HPSE: variants seen among roughly 807,000 people sequenced by gnomAD.
The protein encoded by HPSE is endo-glucoronidase.
HPSE carries 48 observed loss-of-function variants against 65.1 expected under a neutral mutation model. The observed-to-expected ratio is 0.74, with a 90% CI of 0.58 to 0.94. HPSE has a LOEUF of 0.94. Ranked by LOEUF, HPSE falls within the 40% of genes least tolerant of loss-of-function variation. The pLI is 0.00. For missense variants in HPSE, 644 were observed against 637.5 expected (o/e 1.01, Z -0.11); for synonymous variants, 243 against 260.0 (o/e 0.93, Z 0.63).
chr4:83,332,979 A>G (rs911730765), intron 1 of HPSE, among the ~76,000 whole-genome samples: 12 of 150,942 alleles, frequency 8.0e-5, no homozygotes, highest in African/African-American at 2.2e-4. Context: ...CTGGAGCCCT[A>G]TGGTTCAGCA....
At chr4:83,330,941 A>G (rs759370297) in intron 1 of HPSE, among the ~76,000 whole-genome samples, 1 of 152,212 alleles carries the variant, frequency 6.6e-6, no homozygotes, top group Non-Finnish European at 1.5e-5. Flanking sequence ...GCAGTGGCTC[A>G]CGCCTGTAAT....
At position 83,322,279 on chromosome 4, in the gene HPSE, C is replaced by A. The variant is rs747014307; in HGVS notation, c.313G>T (p.Asp105Tyr). 6.2e-7 allele frequency: 1 copy of A among 1,613,818 alleles called. No homozygotes were observed. Among genetic ancestry groups the A allele is most frequent in the South Asian group, 1.1e-5 (1 of 91,048 alleles). Residue 105 changes from aspartate to tyrosine, a missense_variant, in exon 2 of 12, where the codon GAT becomes TAT. Physicochemically the swap from Asp to Tyr is radical, Grantham distance 160 (BLOSUM62 -3). Coordinates refer to ENST00000311412, the MANE Select transcript of HPSE (RefSeq NM_001098540.3). ...GGTKTDFLIF[D>Y]PKKESTFEER... ...TCAAAGGTTGATTCCTTCTTGGGAT[C>A]GAAAATTAGGAAGTCTGTCTTGGTG...
At chr4:83,320,028 TAAAAAA>T (rs58369674) in intron 2 of HPSE, among the ~76,000 whole-genome samples, 3 of 108,010 alleles carry the variant, frequency 2.8e-5, no homozygotes, top group Non-Finnish European at 3.7e-5. Context: ...AGACACTGTC[TAAAAAA>T]AAAAAAAAAA....
At chr4:83,300,912 A>G in intron 11 of HPSE, 48 bp downstream of exon 11, 1 of 1,310,374 alleles carries the variant, frequency 7.6e-7, no homozygotes, top group Non-Finnish European at 1.1e-6. Flanking sequence ...TCTGATAAAC[A>G]CCAATAAATT....
chr4:83,311,453 A>G (rs1385471647), intron 4 of HPSE, among the ~76,000 whole-genome samples: 1 of 152,204 alleles, frequency 6.6e-6, no homozygotes, highest in Non-Finnish European at 1.5e-5. Context: ...ACCAATGGAT[A>G]TGGATATCTG....
At chr4:83,331,699 C>T (rs1002810189) in intron 1 of HPSE, among the ~76,000 whole-genome samples, 2 of 152,180 alleles carry the variant, frequency 1.3e-5, no homozygotes, top group African/African-American at 4.8e-5. Flanking sequence ...ACTAGAACCA[C>T]GCCAGTGACT....
intron 9 of HPSE, 55 bp from the exon 10 acceptor site, chr4:83,302,323 T>C: frequency 9.1e-7 from 1 of 1,102,580 alleles, no homozygotes; most frequent in Non-Finnish European, 1.4e-6. Flanking sequence ...CTTATGTCCT[T>C]ATTTAATGAA....
chr4:83,302,042 T>C (rs1159388384), intron 10 of HPSE, 108 bp downstream of exon 10: 1 of 570,128 alleles, frequency 1.8e-6, no homozygotes, highest in Non-Finnish European at 3.1e-6. Flanking sequence ...AAATTGCAAC[T>C]GCCTATACTT....
rs767674216 is a variant in HPSE, at chr4:83,306,322, G to C, written c.1092-5C>G. On this transcript the variant is annotated splice_polypyrimidine_tract_variant and splice_region_variant and intron_variant, in intron 8 of 11. Transcript: ENST00000311412. ...AGGCCCAATTTATCCAGCCACCTGG[G>C]ACAGAGCAAGACCAAGCTTTCTTGA... The C allele has an allele frequency of 1.3e-6, 2 of 1,504,656 alleles. No homozygotes were observed. Among genetic ancestry groups the C allele is most frequent in the East Asian group, 4.5e-5 (2 of 44,270 alleles). The allele number at this position is 1,504,656 out of a possible 1,614,324, so 93.2% of individuals were successfully genotyped here. A position where few individuals can be genotyped will look rare whatever the true frequency, so the allele number is the denominator to read the frequency against.
In HPSE at chr4:83,313,177, C is replaced by G; in HGVS notation, c.610G>C (p.Ala204Pro). The change falls in exon 4 of 12, where the codon GCT (alanine) becomes CCT (proline). Residue 204 changes from alanine (A) to proline (P), a missense_variant. Transcript: ENST00000311412. ...GAGCAGTAGTCCAGGAGCAACTGAGCATTAGAACTGTTCCACTGCAAATCT... is the reference window on the plus strand; with the variant it reads ...GAGCAGTAGTCCAGGAGCAACTGAGGATTAGAACTGTTCCACTGCAAATCT... ...TADLQWNSSNAQLLLDYCSSK... is the reference protein window; with the variant it reads ...TADLQWNSSNPQLLLDYCSSK... 3 of 1,613,948 alleles carry G rather than the reference C, an allele frequency of 1.9e-6. No individual in the cohort carries two copies. The highest frequency in any genetic ancestry group is 2.5e-6 in the Non-Finnish European group (3 of 1,179,834).
In HPSE at chr4:83,311,525, C is replaced by T. The variant is rs182779197; in HGVS notation, c.674-635G>A. Among the ~76,000 whole-genome samples, 490 of 151,852 alleles carry T rather than the reference C, an allele frequency of 3.2e-3. 2 individuals are homozygous for T. Among genetic ancestry groups the T allele is most frequent in the African/African-American group, 0.011 (468 of 41,414 alleles). The stretch of plus-strand genomic sequence containing the variant: ...TACTTTGGAAAAAAAGGTTTGAGAC[C>T]GGGCACAGTGGCTCATGCCTATAAT... On this transcript the variant is annotated intron_variant, in intron 4 of 11. Coordinates refer to ENST00000311412, the MANE Select transcript of HPSE (RefSeq NM_001098540.3).
chr4:83,308,743 ATGGTCTTTGATCTG>A (rs1477976361), intron 8 of HPSE, 88 bp downstream of exon 8: 41 of 851,230 alleles, frequency 4.8e-5, no homozygotes, highest in Non-Finnish European at 7.7e-5. Flanking sequence ...AGCCACTGAA[ATGGTCTTTGATCTG>A]CTTTTTGGCT....
intron 3 of HPSE, among the ~76,000 whole-genome samples, chr4:83,315,648 A>T (rs1369672834): frequency 1.3e-5 from 2 of 152,204 alleles, no homozygotes; most frequent in Non-Finnish European, 2.9e-5. Context: ...ATAGACTATA[A>T]TATGAACAGG....
chr4:83,297,557 T>A (rs112776195), intron 11 of HPSE, among the ~76,000 whole-genome samples: 2,298 of 152,336 alleles, frequency 0.015, 32 homozygotes, highest in Middle Eastern at 0.037. Context: ...ATTATATATT[T>A]GTTTTCCTTA....
At chr4:83,313,601 A>G (rs1037929774) in intron 3 of HPSE, among the ~76,000 whole-genome samples, 3 of 152,242 alleles carry the variant, frequency 2.0e-5, no homozygotes, top group Non-Finnish European at 4.4e-5. Flanking sequence ...CTCCACATGC[A>G]TAGCCAGACT....
At chr4:83,322,098 T>C in intron 2 of HPSE, 121 bp downstream of exon 2, 1 of 673,536 alleles carries the variant, frequency 1.5e-6, no homozygotes, top group South Asian at 2.0e-5. Flanking sequence ...ACAGGTCAGA[T>C]GAGGGGAGAG....
chr4:83,306,662 C>G (rs1352433837), intron 8 of HPSE, among the ~76,000 whole-genome samples: 1 of 152,150 alleles, frequency 6.6e-6, no homozygotes, highest in Non-Finnish European at 1.5e-5. Context: ...TTCTTCATTC[C>G]TGGGTGTAGG....
At chr4:83,325,471 G>A (rs1023185894) in intron 1 of HPSE, among the ~76,000 whole-genome samples, 6 of 152,220 alleles carry the variant, frequency 3.9e-5, no homozygotes, top group South Asian at 4.1e-4. Context: ...TGGCCTGTGC[G>A]TCTGTTTTAA....
intron 1 of HPSE, 101 bp downstream of exon 1, chr4:83,334,455 T>C (rs1737530061): frequency 7.8e-7 from 1 of 1,279,110 alleles, no homozygotes; most frequent in Non-Finnish European, 1.1e-6. Context: ...GAGGTTCCGG[T>C]GTGAAGTTGT....
Sources: gnomAD v4.1 joint callset for allele counts (sites outside exome capture counted in the v4.1 genomes callset) on GRCh38, gnomAD v4.1.1 for gene constraint, MANE v1.5 for transcripts, NCBI Gene and HGNC (gene_info 2026-07-23, HGNC 2026-07-21) for gene names.